Variants in VPS4B observed in about 807,000 individuals in gnomAD.
The protein encoded by VPS4B is vacuolar protein sorting-associated protein 4B.
In VPS4B, 23 loss-of-function variants were observed where a neutral mutation model predicts 56.1. The observed-to-expected ratio is 0.41, with a 90% CI of 0.30 to 0.58. The LOEUF (loss-of-function observed/expected upper bound fraction) is 0.58. Ranked by LOEUF, VPS4B falls within the 20% of genes least tolerant of loss-of-function variation. The pLI, the probability that VPS4B is intolerant of heterozygous loss-of-function variation, is 0.29. For missense variants in VPS4B, 372 were observed against 531.9 expected, an observed-to-expected ratio of 0.70 and a Z score of 2.96; for synonymous variants, 177 against 186.0, an observed-to-expected ratio of 0.95 and a Z score of 0.39.
chr18:63,405,990 A>T (rs1915909521), intron 4 of VPS4B, among the ~76,000 whole-genome samples: 1 of 152,150 alleles, frequency 6.6e-6, no homozygotes, highest in East Asian at 1.9e-4. Context: ...TTGTCTCAAA[A>T]AAACAAAAAA....
chr18:63,397,233 A>G lies in VPS4B; in HGVS notation c.893T>C (p.Ile298Thr). 1 of 1,601,182 alleles carries G rather than the reference A, an allele frequency of 6.2e-7. No homozygotes were observed. Among genetic ancestry groups the G allele is most frequent in the Non-Finnish European group, 8.5e-7 (1 of 1,174,484 alleles). ...TCGGGCATGGGGTTCCGGCAAGGGA[A>G]TATAAATTCGTTTCTCAAATCTTAA... ...IRRRFEKRIY[I>T]PLPEPHARAA... Residue 298 changes from isoleucine (I) to threonine (T), a missense_variant, in exon 9 of 11, where the codon ATT (isoleucine) becomes ACT (threonine). By Grantham distance (89) the Ile-to-Thr change is moderately conservative. Transcript: ENST00000238497.
intron 1 of VPS4B, among the ~76,000 whole-genome samples, chr18:63,421,032 C>T (rs1281184230): frequency 9.4e-5 from 13 of 137,656 alleles, no homozygotes; most frequent in Non-Finnish European, 1.4e-4. Flanking sequence ...TGCAAGACTC[C>T]GTCTCAAAAA....
chr18:63,399,549 T>C (rs1184822959), intron 7 of VPS4B, among the ~76,000 whole-genome samples: 2 of 152,220 alleles, frequency 1.3e-5, no homozygotes, highest in East Asian at 3.8e-4. Context: ...ATCTCCCAGA[T>C]TGTGGAAAAT....
chr18:63,413,822 T>C (rs2144435501), intron 1 of VPS4B, among the ~76,000 whole-genome samples: 1 of 152,304 alleles, frequency 6.6e-6, no homozygotes, highest in South Asian at 2.1e-4. Flanking sequence ...GATCTGTAAA[T>C]GGGAGGAACA....
Position 63,422,290 on chromosome 18 carries a change from C to G in VPS4B, c.-31G>C. 1 of 1,486,100 alleles carries G rather than the reference C, an allele frequency of 6.7e-7. No individual in the cohort carries two copies. Among genetic ancestry groups the G allele is most frequent in the Non-Finnish European group, 9.0e-7 (1 of 1,116,352 alleles). The allele number at this position is 1,486,100 out of a possible 1,614,324, so 92.1% of individuals were successfully genotyped here. On this transcript the variant is annotated 5_prime_UTR_variant, in exon 1 of 11. Transcript: ENST00000238497. ...AGTTCCCAGGCGGTTCCCAAGGGAA[C>G]GAGGGGCGAGGAGAGCCAACAGCAG...
chr18:63,400,205 A>G lies in VPS4B; in HGVS notation c.642-9T>C, dbSNP rs972715836. 7 of 1,584,294 alleles carry G rather than the reference A, an allele frequency of 4.4e-6. No individual in the cohort carries two copies. Among genetic ancestry groups the G allele is most frequent in the Non-Finnish European group, 5.1e-6 (6 of 1,172,176 alleles). Reference sequence around the variant, plus strand: ...ATAAATTCTTAACCAGTCTAAAAATAAATGAAAACTTTTAAGTCTCTAAAA... The same window carrying G: ...ATAAATTCTTAACCAGTCTAAAAATGAATGAAAACTTTTAAGTCTCTAAAA... On this transcript the variant is annotated splice_polypyrimidine_tract_variant and intron_variant, in intron 6 of 10. Coordinates refer to ENST00000238497, the MANE Select transcript of VPS4B (RefSeq NM_004869.4).
intron 8 of VPS4B, among the ~76,000 whole-genome samples, chr18:63,398,147 A>ATG (rs748022416): frequency 6.6e-6 from 1 of 151,430 alleles, no homozygotes; most frequent in Non-Finnish European, 1.5e-5. Flanking sequence ...AGATAGATAG[A>ATG]TGTGTGTGTG....
intron 1 of VPS4B, chr18:63,415,513 C>T (rs917289066): frequency 1.0e-5 from 3 of 293,990 alleles, no homozygotes; most frequent in Admixed American, 3.7e-5. Flanking sequence ...CTGGTTGATC[C>T]CCTGGGTCAG....
intron 1 of VPS4B, among the ~76,000 whole-genome samples, chr18:63,421,791 T>C (rs189162547): frequency 1.3e-5 from 2 of 152,338 alleles, no homozygotes; most frequent in East Asian, 3.9e-4. Context: ...CTCAGATTCT[T>C]GGTCTGTTCC....
rs544282817 is a variant in VPS4B, at chr18:63,389,583, T to C, written c.*1392A>G. The C allele has an allele frequency of 1.3e-5, 2 of 151,130 alleles. No homozygotes were observed. The highest frequency in any genetic ancestry group is 2.9e-5 in the Non-Finnish European group (2 of 67,878). 9.4% of individuals were successfully genotyped at this position (151,130 alleles called of 1,614,324 possible). On this transcript the variant is annotated 3_prime_UTR_variant, in exon 11 of 11. Coordinates refer to ENST00000238497, the MANE Select transcript of VPS4B (RefSeq NM_004869.4). ...TGATGCTAAAGTATGAAACACATCC[T>C]CAGATTATTTATTTGAAAATATTAA...
At position 63,407,612 on chromosome 18, in the gene VPS4B, T is replaced by C. The variant is rs549238487; in HGVS notation, c.297-113A>G. On this transcript the variant is annotated intron_variant, in intron 3 of 10. Transcript: ENST00000238497. ...GTAATTTCAGTGGCAAAATCAGACA[T>C]TTACATTAAAAGTTATGCTTACTTA... 4.7e-5 allele frequency: 37 copies of C among 780,944 alleles called. No individual in the cohort carries two copies. The East Asian group carries it at 9.6e-4, about 20-fold the overall frequency. The allele number at this position is 780,944 out of a possible 1,614,324, so 48.4% of individuals were successfully genotyped here.
intron 8 of VPS4B, among the ~76,000 whole-genome samples, chr18:63,398,135 TTAGA>T (rs150660277): frequency 0.016 from 2,478 of 151,390 alleles, 63 homozygotes; most frequent in African/African-American, 0.058. Context: ...AACTTAAAAA[TTAGA>T]TAGATAGATG....
At chr18:63,411,320 A>ATTTT in intron 2 of VPS4B, 147 bp downstream of exon 2, 1 of 544,904 alleles carries the variant, frequency 1.8e-6, no homozygotes, top group East Asian at 3.2e-5. Context: ...AATACTTAAA[A>ATTTT]ATCACTAGAA....
chr18:63,398,527 TAG>T (rs1177208898), intron 8 of VPS4B, among the ~76,000 whole-genome samples: 3 of 150,904 alleles, frequency 2.0e-5, no homozygotes, highest in Admixed American at 6.6e-5. Flanking sequence ...GCCTGACATA[TAG>T]TTTTTACTAA....
chr18:63,406,039 C>A (rs7231119), intron 4 of VPS4B, among the ~76,000 whole-genome samples: 75,858 of 151,892 alleles, frequency 0.5, 19,508 homozygotes, highest in East Asian at 0.87. Context: ...TAAAGATATG[C>A]AACTGATTTT....
chr18:63,407,693 G>A (rs1915948488), intron 3 of VPS4B, among the ~76,000 whole-genome samples, 194 bp from the exon 4 acceptor site: 1 of 152,170 alleles, frequency 6.6e-6, no homozygotes, highest in Admixed American at 6.5e-5. Context: ...AGAGAATCAT[G>A]TAAAAGAAAG....
At chr18:63,421,290 T>C (rs1916295707) in intron 1 of VPS4B, among the ~76,000 whole-genome samples, 1 of 152,224 alleles carries the variant, frequency 6.6e-6, no homozygotes, top group African/African-American at 2.4e-5. Flanking sequence ...TTGAGTGGTC[T>C]TTCTTCAGAA....
chr18:63,420,116 G>C (rs1475479964), intron 1 of VPS4B, among the ~76,000 whole-genome samples: 1 of 152,204 alleles, frequency 6.6e-6, no homozygotes, highest in Non-Finnish European at 1.5e-5. Flanking sequence ...GTCTCTGGCT[G>C]ATTCACTGAA....
In VPS4B at chr18:63,410,377, T is replaced by C; in HGVS notation, c.209A>G (p.Glu70Gly). ...AKCTEYLDRA[E>G]KLKEYLKNKE... is the part of the protein sequence containing the mutation. ...ATTTTTCAGGTACTCCTTTAGTTTT[T>C]CTGCTCTATCAAGATATTCTGTACA... is the stretch of plus-strand genomic sequence containing the variant. The change falls in exon 3 of 11, where the codon GAA (glutamate) becomes GGA (glycine). Residue 70 changes from glutamate to glycine, a missense_variant. Glu to Gly is a moderately conservative substitution (Grantham distance 98). This residue lies in a region of VPS4B where 153 missense variants were observed against 190.3 expected (regional missense o/e 0.80). Coordinates refer to ENST00000238497, the MANE Select transcript of VPS4B (RefSeq NM_004869.4). The C allele has an allele frequency of 6.2e-7, 1 of 1,614,056 alleles. No individual in the cohort carries two copies. Among genetic ancestry groups the C allele is most frequent in the Non-Finnish European group, 8.5e-7 (1 of 1,180,040 alleles).
Sources: gnomAD v4.1 joint callset for allele counts (sites outside exome capture counted in the v4.1 genomes callset) on GRCh38, gnomAD v4.1.1 for gene constraint, gnomAD v4.1.1 regional missense constraint, MANE v1.5 for transcripts, NCBI Gene and HGNC (gene_info 2026-07-23, HGNC 2026-07-21) for gene names.